KCNQ3: variants seen among roughly 807,000 people sequenced by gnomAD.
The protein encoded by KCNQ3 is potassium voltage-gated channel subfamily KQT member 3.
In KCNQ3, 30 loss-of-function variants were observed where a neutral mutation model predicts 92.5. That is an observed-to-expected ratio of 0.32 (90% CI 0.24 to 0.44). The LOEUF is 0.44. KCNQ3 is among the 20% of genes least tolerant of loss of function. The pLI is 1.00. For missense variants in KCNQ3, 913 were observed against 1,140.3 expected (o/e 0.80, Z 2.87); for synonymous variants, 450 against 468.8 (o/e 0.96, Z 0.52).
chr8:132,278,004 G>A, intron 1 of KCNQ3: 9 of 985,338 alleles, frequency 9.1e-6, no homozygotes, highest in Non-Finnish European at 9.6e-6. Context: ...TCATCCTTCT[G>A]TGATAGGCAG....
chr8:132,451,185 G>A (rs909040707), intron 1 of KCNQ3, among the ~76,000 whole-genome samples: 9 of 152,154 alleles, frequency 5.9e-5, no homozygotes, highest in African/African-American at 2.2e-4. Flanking sequence ...TTTTATAAAG[G>A]GGAGTTCCCC....
At chr8:132,314,652 C>T (rs374501128) in intron 1 of KCNQ3, among the ~76,000 whole-genome samples, 2 of 152,088 alleles carry the variant, frequency 1.3e-5, no homozygotes, top group Admixed American at 6.5e-5. Context: ...GGAAACAGGT[C>T]TTAAGAATAT....
chr8:132,328,741 C>A (rs557030898), intron 1 of KCNQ3, among the ~76,000 whole-genome samples: 1 of 152,276 alleles, frequency 6.6e-6, no homozygotes, highest in Non-Finnish European at 1.5e-5. Context: ...TCAACTCGAG[C>A]ACCTCCTTTG....
intron 1 of KCNQ3, among the ~76,000 whole-genome samples, chr8:132,434,111 G>A (rs1158861778): frequency 6.7e-6 from 1 of 149,770 alleles, no homozygotes; most frequent in Non-Finnish European, 1.5e-5. Flanking sequence ...GGGAGGCTGA[G>A]GCAGGAGAAT....
At chr8:132,441,752 A>G (rs943398850) in intron 1 of KCNQ3, among the ~76,000 whole-genome samples, 1 of 152,162 alleles carries the variant, frequency 6.6e-6, no homozygotes, top group Non-Finnish European at 1.5e-5. Context: ...GTGTATAAGC[A>G]TTCCTTTTTC....
intron 1 of KCNQ3, among the ~76,000 whole-genome samples, chr8:132,212,407 T>C (rs539124753): frequency 2.0e-5 from 3 of 152,064 alleles, no homozygotes; most frequent in East Asian, 1.9e-4. Context: ...CTTTCTTCCA[T>C]GAAAAGCTCT....
intron 1 of KCNQ3, among the ~76,000 whole-genome samples, chr8:132,437,875 G>A (rs557115287): frequency 6.6e-6 from 1 of 152,284 alleles, no homozygotes; most frequent in African/African-American, 2.4e-5. Flanking sequence ...GTTCACAGCA[G>A]TTTAACTTGC....
intron 1 of KCNQ3, among the ~76,000 whole-genome samples, chr8:132,344,204 A>G (rs1293907282): frequency 2.0e-5 from 3 of 152,236 alleles, no homozygotes. Flanking sequence ...CAACTTACAG[A>G]GTATTATAGG....
intron 1 of KCNQ3, among the ~76,000 whole-genome samples, chr8:132,380,503 T>C (rs1205517820): frequency 6.6e-6 from 1 of 152,092 alleles, no homozygotes; most frequent in African/African-American, 2.4e-5. Context: ...AAGCCTGCCT[T>C]GCCTGCTTCC....
intron 1 of KCNQ3, chr8:132,447,393 CAAGA>C: frequency 1.4e-6 from 1 of 714,022 alleles, no homozygotes; most frequent in African/African-American, 1.8e-5. Flanking sequence ...GAAGACACTG[CAAGA>C]AAGAAGAAAA....
intron 1 of KCNQ3, among the ~76,000 whole-genome samples, chr8:132,232,513 A>G (rs1034881345): frequency 2.6e-5 from 4 of 152,272 alleles, no homozygotes; most frequent in Admixed American, 2.6e-4. Flanking sequence ...AGAATAATTA[A>G]GAACTTAATT....
intron 1 of KCNQ3, among the ~76,000 whole-genome samples, chr8:132,379,099 G>C (rs1819680306): frequency 6.6e-6 from 1 of 152,150 alleles, no homozygotes; most frequent in African/African-American, 2.4e-5. Context: ...GTTACTTGCA[G>C]CCCAAAGCAT....
chr8:132,237,264 G>GTAGCTATGATGATGATGA (rs1288380779), intron 1 of KCNQ3, among the ~76,000 whole-genome samples: 1 of 152,104 alleles, frequency 6.6e-6, no homozygotes. Flanking sequence ...GATGATGATG[G>GTAGCTATGATGATGATGA]TAGCTATGAT....
chr8:132,237,252 A>T (rs1205324115), intron 1 of KCNQ3, among the ~76,000 whole-genome samples: 2 of 152,170 alleles, frequency 1.3e-5, no homozygotes, highest in African/African-American at 4.8e-5. Context: ...AAGAGTAATG[A>T]TGATGATGAT....
chr8:132,205,965 G>C (rs1319675769), intron 1 of KCNQ3, among the ~76,000 whole-genome samples: 2 of 152,100 alleles, frequency 1.3e-5, no homozygotes, highest in Non-Finnish European at 2.9e-5. Context: ...AGAAGACTTT[G>C]GTATGTGAAG....
intron 1 of KCNQ3, among the ~76,000 whole-genome samples, chr8:132,218,182 C>T (rs1015167288): frequency 2.2e-4 from 33 of 152,156 alleles, no homozygotes; most frequent in Non-Finnish European, 4.1e-4. Flanking sequence ...GTAGCCCTGG[C>T]ATAGGTGCAA....
Position 132,241,391 on chromosome 8 carries a change from G to C in KCNQ3, c.387-55210C>G, listed in dbSNP as rs115538794. 3.5e-3 allele frequency among the ~76,000 whole-genome samples: 534 copies of C among 151,934 alleles called. 2 individuals are homozygous for C. Among genetic ancestry groups the C allele is most frequent in the African/African-American group, 0.012 (505 of 41,436 alleles). On this transcript the variant is annotated intron_variant, in intron 1 of 14. Coordinates refer to ENST00000388996, the MANE Select transcript of KCNQ3 (RefSeq NM_004519.4). ...AATTATTTGAAATAATTTTGCTATA[G>C]TTATTATTATTTTTATTTACTTTGA...
rs570292696 is a variant in KCNQ3 at position 132,150,917 on chromosome 8, G to A, written c.1263-9586C>T. 3.2e-4 allele frequency among the ~76,000 whole-genome samples: 49 copies of A among 152,234 alleles called. 1 individual carries two copies. The East Asian group carries it at 8.9e-3, about 28-fold the overall frequency. On this transcript the variant is annotated intron_variant, in intron 9 of 14. Coordinates refer to ENST00000388996, the MANE Select transcript of KCNQ3 (RefSeq NM_004519.4). ...GTGCTTGGATCAAATATTTTTTAAA[G>A]GGAAGATAAAAGCTGTGGTAATTTC...
At chr8:132,293,200 T>G (rs970560399) in intron 1 of KCNQ3, among the ~76,000 whole-genome samples, 1 of 152,200 alleles carries the variant, frequency 6.6e-6, no homozygotes, top group African/African-American at 2.4e-5. Context: ...TAAATGTGTT[T>G]CCTGGAGTTC....
Sources: allele counts gnomAD v4.1 joint callset (sites outside exome capture counted in the v4.1 genomes callset), GRCh38; gene constraint gnomAD v4.1.1; transcripts MANE v1.5; gene names NCBI Gene and HGNC (gene_info 2026-07-23, HGNC 2026-07-21).